Variants in SYNPR observed in about 807,000 individuals in gnomAD.
SYNPR encodes synaptoporin.
SYNPR carries 23 observed loss-of-function variants against 32.9 expected under a neutral mutation model. The observed-to-expected ratio is 0.70, with a 90% CI of 0.50 to 0.99. SYNPR has a LOEUF of 0.99. SYNPR is among the 50% of genes least tolerant of loss of function. The probability of loss-of-function intolerance (pLI) is 0.00; values close to 1 mark genes in which losing one functional copy is unlikely to be tolerated. For missense variants in SYNPR, 318 were observed against 349.3 expected (o/e 0.91, Z 0.71); for synonymous variants, 146 against 135.9 (o/e 1.07, Z -0.52).
intron 1 of SYNPR, among the ~76,000 whole-genome samples, chr3:63,248,979 T>C (rs572063208): frequency 1.2e-4 from 18 of 152,226 alleles, no homozygotes; most frequent in Non-Finnish European, 2.6e-4. Flanking sequence ...CCTATCCCTA[T>C]ATAATATTCA....
intron 2 of SYNPR, among the ~76,000 whole-genome samples, chr3:63,314,263 T>C (rs2087016565): frequency 6.6e-6 from 1 of 150,994 alleles, no homozygotes; most frequent in African/African-American, 2.4e-5. Context: ...CTGGACCAAA[T>C]GGTAGTTCAG....
rs533062095 is a variant in SYNPR at position 63,312,649 on chromosome 3, G to A, written c.84+33907G>A. On this transcript the variant is annotated intron_variant, in intron 2 of 5. Transcript: ENST00000478300. ...CATGCTTTCCTCTTTCCTTCCTGAC[G>A]TAATGGAATAAGCTCCTTATCCTGC... Among the ~76,000 whole-genome samples the A allele has an allele frequency of 1.1e-4, 17 of 151,990 alleles. No homozygotes were observed. In the South Asian group the frequency reaches 1.9e-3, roughly 17 times the overall value.
intron 2 of SYNPR, among the ~76,000 whole-genome samples, chr3:63,352,851 C>T (rs1469321152): frequency 1.3e-5 from 2 of 152,066 alleles, no homozygotes; most frequent in Non-Finnish European, 2.9e-5. Flanking sequence ...ATCATATCTC[C>T]TAAGACTTAT....
At chr3:63,459,149 C>T (rs1700537352) in intron 2 of SYNPR, among the ~76,000 whole-genome samples, 1 of 152,026 alleles carries the variant, frequency 6.6e-6, no homozygotes, top group African/African-American at 2.4e-5. Flanking sequence ...ATGACAAATT[C>T]AACCTTCTCT....
At chr3:63,475,931 G>A (rs141224671) in intron 2 of SYNPR, among the ~76,000 whole-genome samples, 11 of 152,034 alleles carry the variant, frequency 7.2e-5, no homozygotes, top group Middle Eastern at 3.4e-3. Flanking sequence ...ATGGCCTCTC[G>A]AGCATCAGTG....
chr3:63,307,209 G>A (rs189747304), intron 2 of SYNPR, among the ~76,000 whole-genome samples: 1 of 152,012 alleles, frequency 6.6e-6, no homozygotes, highest in Non-Finnish European at 1.5e-5. Context: ...CAGAGGGTAA[G>A]TTATTCACCT....
intron 2 of SYNPR, among the ~76,000 whole-genome samples, chr3:63,401,845 G>T (rs188181558): frequency 1.3e-5 from 2 of 152,166 alleles, no homozygotes; most frequent in Admixed American, 1.3e-4. Context: ...ATCTAATGAA[G>T]TGGTAGTGCA....
intron 3 of SYNPR, among the ~76,000 whole-genome samples, chr3:63,491,741 G>A (rs893812463): frequency 3.3e-5 from 5 of 151,618 alleles, no homozygotes; most frequent in South Asian, 2.1e-4. Context: ...TGCTGTTCTC[G>A]AACTCCTGAT....
intron 4 of SYNPR, among the ~76,000 whole-genome samples, chr3:63,571,819 G>A (rs1398401243): frequency 6.6e-6 from 1 of 152,064 alleles, no homozygotes; most frequent in Non-Finnish European, 1.5e-5. Flanking sequence ...TGTCTGGCTG[G>A]ACAAAGGTGA....
At chr3:63,531,716 T>C (rs1048899730) in intron 3 of SYNPR, among the ~76,000 whole-genome samples, 16 of 152,150 alleles carry the variant, frequency 1.1e-4, no homozygotes, top group African/African-American at 3.6e-4. Flanking sequence ...ACTTCAAAAG[T>C]GGCCTCTGCC....
rs1034281946 is a variant in SYNPR, at chr3:63,335,887, C to A, written c.84+57145C>A. Among the ~76,000 whole-genome samples the A allele has an allele frequency of 4.8e-5, 7 of 146,332 alleles. 1 individual carries two copies. The highest frequency in any genetic ancestry group is 2.1e-4 in the Admixed American group (3 of 14,122). ...TGCCTTCCAGGTTCAAGCGATTCTT[C>A]TGCCTCAGCCTCCCCAGTAGCTGGG... On this transcript the variant is annotated intron_variant, in intron 2 of 5. Coordinates refer to ENST00000478300, the MANE Select transcript of SYNPR (RefSeq NM_001130003.2).
chr3:63,498,840 A>G (rs1241468694), intron 3 of SYNPR, among the ~76,000 whole-genome samples: 1 of 151,824 alleles, frequency 6.6e-6, no homozygotes, highest in African/African-American at 2.4e-5. Context: ...TAGGCCAGCC[A>G]TGGTGGCTCA....
chr3:63,462,983 T>G (rs568005428), intron 2 of SYNPR, among the ~76,000 whole-genome samples: 42 of 152,262 alleles, frequency 2.8e-4, no homozygotes, highest in African/African-American at 9.9e-4. Flanking sequence ...TCAGGCTCCT[T>G]TGCTCTGCAG....
intron 2 of SYNPR, among the ~76,000 whole-genome samples, chr3:63,394,164 A>G (rs2088180145): frequency 1.3e-5 from 2 of 152,322 alleles, no homozygotes; most frequent in South Asian, 2.1e-4. Context: ...TGAGCTTTGG[A>G]ATAGGACAGA....
chr3:63,538,859 C>T (rs1463815870), intron 3 of SYNPR, among the ~76,000 whole-genome samples: 1 of 152,086 alleles, frequency 6.6e-6, no homozygotes, highest in Non-Finnish European at 1.5e-5. Context: ...ATATAATCTT[C>T]AATATGAATC....
intron 2 of SYNPR, among the ~76,000 whole-genome samples, chr3:63,305,696 T>G (rs1186132220): frequency 6.6e-6 from 1 of 151,988 alleles, no homozygotes. Flanking sequence ...CCCAGGTATT[T>G]GAGATGCAGG....
chr3:63,569,125 T>C (rs1000945119), intron 4 of SYNPR, among the ~76,000 whole-genome samples: 2 of 152,204 alleles, frequency 1.3e-5, no homozygotes, highest in Non-Finnish European at 2.9e-5. Flanking sequence ...TTGTAATGAC[T>C]GCATAATATT....
chr3:63,381,015 C>G (rs1234236979), intron 2 of SYNPR, among the ~76,000 whole-genome samples: 2 of 152,160 alleles, frequency 1.3e-5, no homozygotes, highest in African/African-American at 4.8e-5. Flanking sequence ...CCCTCTCTCA[C>G]CACTCCTATT....
At chr3:63,364,614 A>G (rs550832863) in intron 2 of SYNPR, among the ~76,000 whole-genome samples, 3 of 152,392 alleles carry the variant, frequency 2.0e-5, no homozygotes, top group East Asian at 3.9e-4. Context: ...TGAATTATCC[A>G]GTATAAATTA....
Sources: gnomAD v4.1 joint callset for allele counts (sites outside exome capture counted in the v4.1 genomes callset) on GRCh38, gnomAD v4.1.1 for gene constraint, MANE v1.5 for transcripts, NCBI Gene and HGNC (gene_info 2026-07-23, HGNC 2026-07-21) for gene names.